Variants in MDGA2 observed in about 807,000 individuals in gnomAD.
MDGA2 encodes the protein MAM domain-containing glycosylphosphatidylinositol anchor protein 2.
In MDGA2, 40 loss-of-function variants were observed where a neutral mutation model predicts 117.8. The ratio of observed to expected loss-of-function variants is 0.34; its 90% CI spans 0.26 to 0.44. The LOEUF is 0.44. MDGA2 is among the 20% of genes least tolerant of loss of function. The pLI, the probability that MDGA2 is intolerant of heterozygous loss-of-function variation, is 1.00. For missense variants in MDGA2, 1,123 were observed against 1,250.6 expected (o/e 0.90, Z 1.54); for synonymous variants, 452 against 439.0 (o/e 1.03, Z -0.37).
chr14:46,893,655 CAA>C (rs770784231), intron 10 of MDGA2, among the ~76,000 whole-genome samples: 55 of 151,918 alleles, frequency 3.6e-4, no homozygotes, highest in Non-Finnish European at 5.7e-4. Context: ...TTAAAAAAGA[CAA>C]ATTTAAAAAT....
chr14:47,206,003 C>T (rs1885668907), intron 3 of MDGA2, among the ~76,000 whole-genome samples: 1 of 151,998 alleles, frequency 6.6e-6, no homozygotes, highest in Non-Finnish European at 1.5e-5. Flanking sequence ...ACAAAGGGCA[C>T]TATTCAAAAA....
At chr14:46,899,236 C>G (rs1213448281) in intron 10 of MDGA2, among the ~76,000 whole-genome samples, 1 of 151,946 alleles carries the variant, frequency 6.6e-6, no homozygotes, top group African/African-American at 2.4e-5. Flanking sequence ...AACTGGCAAC[C>G]TGAGTGTTTT....
chr14:47,538,894 A>G (rs1029917346), intron 1 of MDGA2, among the ~76,000 whole-genome samples: 1 of 152,144 alleles, frequency 6.6e-6, no homozygotes, highest in South Asian at 2.1e-4. Flanking sequence ...GGCTCATTAT[A>G]TATCTCAGGG....
At chr14:46,857,116 C>A (rs1881299095) in intron 14 of MDGA2, among the ~76,000 whole-genome samples, 1 of 152,126 alleles carries the variant, frequency 6.6e-6, no homozygotes, top group South Asian at 2.1e-4. Context: ...ACCTTACCTT[C>A]CGGTACTATT....
intron 1 of MDGA2, among the ~76,000 whole-genome samples, chr14:47,539,797 A>G (rs553765283): frequency 6.6e-6 from 1 of 152,314 alleles, no homozygotes; most frequent in South Asian, 2.1e-4. Context: ...GGTTCATACC[A>G]CAGTCAGTGA....
chr14:47,373,856 A>G (rs1020868203), intron 1 of MDGA2, among the ~76,000 whole-genome samples: 29 of 152,168 alleles, frequency 1.9e-4, no homozygotes, highest in Non-Finnish European at 3.8e-4. Context: ...AAGAAAACCT[A>G]TGACCAATTT....
intron 10 of MDGA2, among the ~76,000 whole-genome samples, chr14:46,911,889 G>A (rs1030413057): frequency 1.3e-5 from 2 of 152,032 alleles, no homozygotes; most frequent in Admixed American, 6.6e-5. Context: ...TCATGGGGTG[G>A]GGCAGGGCTT....
chr14:47,339,096 G>C (rs979697500), intron 1 of MDGA2, among the ~76,000 whole-genome samples: 4 of 151,944 alleles, frequency 2.6e-5, no homozygotes, highest in Admixed American at 6.6e-5. Flanking sequence ...CTTTTACAGG[G>C]AGTCTATTTA....
At chr14:47,381,570 G>A (rs532887674) in intron 1 of MDGA2, among the ~76,000 whole-genome samples, 1 of 152,060 alleles carries the variant, frequency 6.6e-6, no homozygotes, top group African/African-American at 2.4e-5. Flanking sequence ...ACCAATAACA[G>A]ACAAACAGAG....
intron 9 of MDGA2, among the ~76,000 whole-genome samples, chr14:46,925,044 T>C (rs926690610): frequency 2.0e-5 from 3 of 152,142 alleles, no homozygotes; most frequent in African/African-American, 2.4e-5. Flanking sequence ...GTTTCAGACA[T>C]AGGATATGCT....
intron 1 of MDGA2, among the ~76,000 whole-genome samples, chr14:47,566,753 C>G (rs1292656907): frequency 6.6e-6 from 1 of 151,948 alleles, no homozygotes; most frequent in African/African-American, 2.4e-5. Context: ...GAGTTCCCAG[C>G]TTCCTCCCTC....
At chr14:47,402,332 C>CCG (rs757711720) in intron 1 of MDGA2, among the ~76,000 whole-genome samples, 3 of 124,594 alleles carry the variant, frequency 2.4e-5, no homozygotes, top group Admixed American at 8.1e-5. Flanking sequence ...CCCCAGAAAC[C>CCG]CCCGCCCCCC....
rs544927687 is a variant in MDGA2, at chr14:46,880,042, GT to G, written c.2416+2001del. On this transcript the variant is annotated intron_variant, in intron 11 of 16. Transcript: ENST00000399232. ...GATAATCAGTGATAAAAAGAATCAC[GT>G]TTGGCCGGGTGCTGTGGCTCATGCC... Among the ~76,000 whole-genome samples, 8 of 152,136 alleles carry G rather than the reference GT, an allele frequency of 5.3e-5. No homozygotes were observed. In the East Asian group the frequency reaches 1.5e-3, roughly 29 times the overall value.
intron 10 of MDGA2, among the ~76,000 whole-genome samples, chr14:46,908,046 T>C (rs1883564831): frequency 6.6e-6 from 1 of 152,082 alleles, no homozygotes; most frequent in Non-Finnish European, 1.5e-5. Flanking sequence ...GAAGAGACAA[T>C]AACCCTCACA....
intron 2 of MDGA2, among the ~76,000 whole-genome samples, chr14:47,298,130 A>G (rs1298935888): frequency 6.6e-6 from 1 of 152,188 alleles, no homozygotes; most frequent in Non-Finnish European, 1.5e-5. Flanking sequence ...TATAAAAAAG[A>G]AAACTGAGGC....
At chr14:47,480,903 C>A (rs1017101125) in intron 1 of MDGA2, among the ~76,000 whole-genome samples, 1 of 151,728 alleles carries the variant, frequency 6.6e-6, no homozygotes, top group African/African-American at 2.4e-5. Flanking sequence ...GGGAGAAGCA[C>A]CCTGGAGAAT....
intron 9 of MDGA2, among the ~76,000 whole-genome samples, chr14:46,945,325 C>G (rs967424061): frequency 4.6e-5 from 7 of 152,210 alleles, no homozygotes; most frequent in African/African-American, 1.7e-4. Flanking sequence ...AGTCTTTACT[C>G]TGACATGGTT....
Position 47,392,712 on chromosome 14 carries a change from T to G in MDGA2, c.281-91162A>C, listed in dbSNP as rs1477635955. 3.9e-5 allele frequency among the ~76,000 whole-genome samples: 6 copies of G among 152,180 alleles called. No homozygotes were observed. In the East Asian group the frequency reaches 9.7e-4, roughly 25 times the overall value. On this transcript the variant is annotated intron_variant, in intron 1 of 16. Coordinates refer to ENST00000399232, the MANE Select transcript of MDGA2 (RefSeq NM_001113498.3). The stretch of plus-strand genomic sequence containing the variant: ...CATGGCAATGTGGCTCAGCCTACAT[T>G]CCCACTTACACTTGCTGTCCAGAGG...
In MDGA2 at chr14:47,218,173, C is replaced by T; in HGVS notation, c.443G>A (p.Gly148Glu). The T allele has an allele frequency of 2.6e-6, 4 of 1,548,652 alleles. No homozygotes were observed. Among genetic ancestry groups the T allele is most frequent in the Non-Finnish European group, 3.5e-6 (4 of 1,145,366 alleles). Reference protein sequence around the residue: ...RPQIRWTKTAGSASDRFQDSS... With the variant: ...RPQIRWTKTAESASDRFQDSS... The stretch of plus-strand genomic sequence containing the variant: ...GTCTTGGAATCTGTCAGAGGCACTT[C>T]CTGCTGTTTTGGTCCACCTGATCTG... The change falls in exon 3 of 17, where the codon GGA becomes GAA. Residue 148 changes from glycine (G) to glutamate (E), a missense_variant. By Grantham distance (98) the Gly-to-Glu change is moderately conservative. This residue lies in a region of MDGA2 where 233 missense variants were observed against 200.3 expected (regional missense o/e 1.16). Coordinates refer to ENST00000399232, the MANE Select transcript of MDGA2 (RefSeq NM_001113498.3).
Sources: allele counts gnomAD v4.1 joint callset (sites outside exome capture counted in the v4.1 genomes callset), GRCh38; gene constraint gnomAD v4.1.1; regional missense constraint gnomAD v4.1.1; transcripts MANE v1.5; gene names NCBI Gene and HGNC (gene_info 2026-07-23, HGNC 2026-07-21).